CTNNA2: variants seen among roughly 807,000 people sequenced by gnomAD.
The protein encoded by CTNNA2 is catenin alpha-2.
CTNNA2 carries 42 observed loss-of-function variants against 101.0 expected under a neutral mutation model. The ratio of observed to expected loss-of-function variants is 0.42; its 90% confidence interval spans 0.32 to 0.54. The LOEUF (loss-of-function observed/expected upper bound fraction) is 0.54. Ranked by LOEUF, CTNNA2 falls within the 20% of genes least tolerant of loss-of-function variation. The pLI is 0.14. For missense variants in CTNNA2, 871 were observed against 1,223.1 expected (o/e 0.71, Z 4.29); for synonymous variants, 450 against 456.4 (o/e 0.99, Z 0.18).
At chr2:80,376,260 C>T (rs907811090) in intron 7 of CTNNA2, among the ~76,000 whole-genome samples, 5 of 151,996 alleles carry the variant, frequency 3.3e-5, no homozygotes, top group Middle Eastern at 6.8e-3. Flanking sequence ...TTTAAGTTTT[C>T]TTCTCCCACC....
At chr2:79,437,626 C>T (rs1678731012) in intron 4 of CTNNA2, among the ~76,000 whole-genome samples, 1 of 152,224 alleles carries the variant, frequency 6.6e-6, no homozygotes, top group African/African-American at 2.4e-5. Flanking sequence ...TTGAGTACCT[C>T]TGCTCTGCTT....
chr2:80,184,434 A>G (rs937741892), intron 7 of CTNNA2, among the ~76,000 whole-genome samples: 2 of 152,232 alleles, frequency 1.3e-5, no homozygotes, highest in Non-Finnish European at 2.9e-5. Context: ...TGGTAAGAGT[A>G]TAAATGATGG....
intron 11 of CTNNA2, among the ~76,000 whole-genome samples, chr2:80,548,290 C>G (rs1421826361): frequency 6.6e-6 from 1 of 152,112 alleles, no homozygotes; most frequent in African/African-American, 2.4e-5. Context: ...CTTCTACCTT[C>G]AAATCAATAG....
chr2:79,943,886 G>T (rs1278523790), intron 7 of CTNNA2, among the ~76,000 whole-genome samples: 1 of 152,150 alleles, frequency 6.6e-6, no homozygotes, highest in Non-Finnish European at 1.5e-5. Flanking sequence ...TATGCTTAAA[G>T]ATATGCAATA....
chr2:79,877,906 G>T (rs1004369959), intron 6 of CTNNA2, among the ~76,000 whole-genome samples: 1 of 152,068 alleles, frequency 6.6e-6, no homozygotes, highest in Admixed American at 6.6e-5. Context: ...TGTTATCTAG[G>T]TTTACATGTG....
In CTNNA2 at chr2:80,395,733, C is replaced by T. The variant is rs562896738; in HGVS notation, c.1137+2442C>T. 2.0e-4 allele frequency among the ~76,000 whole-genome samples: 31 copies of T among 152,174 alleles called. 1 individual carries two copies. Among genetic ancestry groups the T allele is most frequent in the Admixed American group, 2.6e-4 (4 of 15,282 alleles). On this transcript the variant is annotated intron_variant, in intron 8 of 18. Coordinates refer to ENST00000402739, the MANE Select transcript of CTNNA2 (RefSeq NM_001282597.3). ...CAAATGTATACTGCTGAGATACTTT[C>T]TATTCTTTCAATTACAGATAAATGT...
At chr2:80,317,018 T>A (rs1309210045) in intron 7 of CTNNA2, among the ~76,000 whole-genome samples, 1 of 152,024 alleles carries the variant, frequency 6.6e-6, no homozygotes, top group African/African-American at 2.4e-5. Context: ...AGTTGACACC[T>A]GAATGATGAG....
In CTNNA2 at chr2:79,437,846, C is replaced by T. The variant is rs1011031514; in HGVS notation, c.-135+63833C>T. 7.2e-5 allele frequency among the ~76,000 whole-genome samples: 11 copies of T among 152,288 alleles called. No individual in the cohort carries two copies. In the East Asian group the frequency reaches 2.1e-3, roughly 29 times the overall value. ...TCTAACGCGCTGCTCTTTGTTCCAG[C>T]GCTGAACCACGCAAGCTCCATAAAA... On this transcript the variant is annotated intron_variant, in intron 4 of 21. Transcript: ENST00000466387.
chr2:80,303,124 G>A lies in CTNNA2; in HGVS notation c.1057-90087G>A. The A allele has an allele frequency of 6.2e-7, 1 of 1,614,122 alleles. No individual in the cohort carries two copies. The highest frequency in any genetic ancestry group is 8.5e-7 in the Non-Finnish European group (1 of 1,180,034). On this transcript the variant is annotated intron_variant, in intron 7 of 18. Transcript: ENST00000402739. The surrounding 1 kb of genome is among the most constrained non-coding windows in gnomAD (Gnocchi z 7.7). Reference sequence around the variant, plus strand: ...GCAGGCAGAGCGAGTGCAGGGAGATGAGGCGCGGGAAGTGGGCGAAGTTCA... The same window carrying A: ...GCAGGCAGAGCGAGTGCAGGGAGATAAGGCGCGGGAAGTGGGCGAAGTTCA...
At chr2:79,470,684 C>T (rs1312833761) in intron 4 of CTNNA2, among the ~76,000 whole-genome samples, 1 of 152,184 alleles carries the variant, frequency 6.6e-6, no homozygotes, top group Non-Finnish European at 1.5e-5. Context: ...AGATGAATCA[C>T]TTCTTTGAAT....
chr2:79,989,133 G>A (rs1205469681), intron 7 of CTNNA2, among the ~76,000 whole-genome samples: 1 of 152,198 alleles, frequency 6.6e-6, no homozygotes, highest in Non-Finnish European at 1.5e-5. Flanking sequence ...ATTAAAATAT[G>A]CACTGATGGT....
rs370814146 is a variant in CTNNA2, at chr2:79,193,780, T to C, written c.-523-4179T>C. The stretch of plus-strand genomic sequence containing the variant: ...TATGGTCTATAGGTAAACATCTTTG[T>C]CTCCATTAAAAGACAATTTATTTAT... On this transcript the variant is annotated intron_variant, in intron 1 of 21. Coordinates refer to the CTNNA2 transcript ENST00000466387. Among the ~76,000 whole-genome samples the C allele has an allele frequency of 5.4e-4, 83 of 152,320 alleles. 1 individual carries two copies. In the South Asian group the frequency reaches 0.016, roughly 30 times the overall value.
intron 7 of CTNNA2, among the ~76,000 whole-genome samples, chr2:80,089,375 G>C (rs554859437): frequency 6.6e-5 from 10 of 151,998 alleles, no homozygotes; most frequent in African/African-American, 2.2e-4. Context: ...ATAAGTCAAA[G>C]GAAAACCAGG....
At chr2:79,975,539 C>T (rs924709960) in intron 7 of CTNNA2, among the ~76,000 whole-genome samples, 2 of 152,050 alleles carry the variant, frequency 1.3e-5, no homozygotes, top group Non-Finnish European at 2.9e-5. Flanking sequence ...TGAGGCTGTC[C>T]CTCACTTCAG....
chr2:80,448,683 A>T (rs1683253696), intron 9 of CTNNA2, among the ~76,000 whole-genome samples: 1 of 152,142 alleles, frequency 6.6e-6, no homozygotes, highest in Non-Finnish European at 1.5e-5. Flanking sequence ...TTATTTATTT[A>T]TACCCTGAAT....
chr2:79,893,913 G>A (rs543432195), intron 6 of CTNNA2, among the ~76,000 whole-genome samples: 1 of 152,146 alleles, frequency 6.6e-6, no homozygotes, highest in East Asian at 1.9e-4. Context: ...TGTAACATCT[G>A]AATTTGAATG....
intron 7 of CTNNA2, among the ~76,000 whole-genome samples, chr2:80,053,359 A>T (rs892982189): frequency 1.2e-4 from 18 of 152,210 alleles, no homozygotes; most frequent in Non-Finnish European, 2.9e-5. Flanking sequence ...TGGCAACACA[A>T]CTTTATAGTT....
chr2:80,639,591 C>CT (rs1384488078), intron 18 of CTNNA2, among the ~76,000 whole-genome samples: 1 of 151,880 alleles, frequency 6.6e-6, no homozygotes, highest in Non-Finnish European at 1.5e-5. Context: ...ACTTTTACCT[C>CT]TAACACCATC....
chr2:80,101,084 A>C (rs992861778), intron 7 of CTNNA2, among the ~76,000 whole-genome samples: 2 of 152,230 alleles, frequency 1.3e-5, no homozygotes, highest in African/African-American at 4.8e-5. Flanking sequence ...TTGATATGAA[A>C]TAAAGTATCC....
Sources: allele counts gnomAD v4.1 joint callset (sites outside exome capture counted in the v4.1 genomes callset), GRCh38; gene constraint gnomAD v4.1.1; non-coding constraint Gnocchi (gnomAD v3.1); transcripts MANE v1.5; gene names NCBI Gene and HGNC (gene_info 2026-07-23, HGNC 2026-07-21).